Variants in CXADR observed in about 807,000 individuals in gnomAD.
CXADR encodes the protein coxsackievirus and adenovirus receptor.
In CXADR, 20 loss-of-function variants were observed where a neutral mutation model predicts 40.3. The observed-to-expected ratio is 0.50, with a 90% CI of 0.35 to 0.72. The LOEUF (loss-of-function observed/expected upper bound fraction) is 0.72. CXADR is among the 30% of genes least tolerant of loss of function. The pLI is 0.01. For synonymous variants in CXADR, 150 were observed against 161.3 expected, an observed-to-expected ratio of 0.93 and a Z score of 0.53; for missense variants, 332 against 449.1, an observed-to-expected ratio of 0.74 and a Z score of 2.36.
chr21:17,629,387 CAAAAAAAAAAA>C, the CXADR span, among the ~76,000 whole-genome samples: 1 of 80,586 alleles, frequency 1.2e-5, no homozygotes, highest in Non-Finnish European at 2.6e-5. Context: ...GACTGTGTCT[CAAAAAAAAAAA>C]AAAAAAAAAT....
At chr21:17,518,846 T>C in intron 1 of CXADR, 1 of 1,562,024 alleles carries the variant, frequency 6.4e-7, no homozygotes, top group Non-Finnish European at 8.8e-7. Context: ...ATACCAACTA[T>C]ATTATTCACA....
intron 7 of CXADR, among the ~76,000 whole-genome samples, chr21:17,587,136 C>T (rs1446773878): frequency 6.6e-6 from 1 of 152,146 alleles, no homozygotes; most frequent in Non-Finnish European, 1.5e-5. Context: ...TCCAGTCTAT[C>T]ATTGTTGGAC....
intron 1 of CXADR, among the ~76,000 whole-genome samples, chr21:17,539,288 C>G (rs1339760618): frequency 6.6e-6 from 1 of 152,116 alleles, no homozygotes; most frequent in Non-Finnish European, 1.5e-5. Context: ...TATAAAATTA[C>G]CCCCATATTT....
At chr21:17,617,291 G>C in the CXADR span, among the ~76,000 whole-genome samples, 1 of 140,986 alleles carries the variant, frequency 7.1e-6, no homozygotes, top group East Asian at 2.2e-4. Flanking sequence ...TGGCAGGAGA[G>C]GTGCCATTAT....
intron 3 of CXADR, among the ~76,000 whole-genome samples, 167 bp from the exon 4 acceptor site, chr21:17,558,809 A>G (rs2061069244): frequency 6.6e-6 from 1 of 152,182 alleles, no homozygotes; most frequent in Non-Finnish European, 1.5e-5. Context: ...TTTGTGTCAG[A>G]TAAAGCTGAA....
intron 7 of CXADR, among the ~76,000 whole-genome samples, chr21:17,579,152 A>G (rs1318252854): frequency 6.6e-6 from 1 of 152,200 alleles, no homozygotes; most frequent in Admixed American, 6.5e-5. Context: ...GTGGAAAGAG[A>G]GCCTGGAAAG....
the CXADR span, chr21:17,604,142 T>A: frequency 7.8e-7 from 1 of 1,284,906 alleles, no homozygotes; most frequent in South Asian, 1.3e-5. Flanking sequence ...CTCAGTCACT[T>A]ACATAATCAA....
At chr21:17,604,214 G>A in the CXADR span, 92 of 870,996 alleles carry the variant, frequency 1.1e-4, no homozygotes, top group Admixed American at 6.5e-4. Flanking sequence ...AGGCCAAGGC[G>A]GGCGGATCAC....
In CXADR at chr21:17,566,704, T is replaced by C; in HGVS notation, c.*1012T>C. On this transcript the variant is annotated 3_prime_UTR_variant, in exon 7 of 7. Transcript: ENST00000284878. ...GGATGGTGTTACATATTATATGTTC[T>C]AGAAACATGTAATCCTAAATTTACC... The C allele has an allele frequency of 1.0e-6, 1 of 972,030 alleles. No individual in the cohort carries two copies. The highest frequency in any genetic ancestry group is 1.2e-6 in the Non-Finnish European group (1 of 817,742). 60.2% of individuals were successfully genotyped at this position (972,030 alleles called of 1,614,324 possible).
chr21:17,590,474 T>A (rs2061427288), intron 7 of CXADR, among the ~76,000 whole-genome samples: 1 of 151,990 alleles, frequency 6.6e-6, no homozygotes, highest in Non-Finnish European at 1.5e-5. Flanking sequence ...TGGAAGTGGG[T>A]GATGGTTTCT....
Position 17,546,463 on chromosome 21 carries a change from C to A in CXADR, c.44-564C>A, listed in dbSNP as rs966028771. 3.3e-5 allele frequency among the ~76,000 whole-genome samples: 5 copies of A among 152,318 alleles called. No individual in the cohort carries two copies. The East Asian group carries it at 5.8e-4, about 18-fold the overall frequency. ...GGCTGGGGAGGCCTCAGGAAACTTA[C>A]AATCATGGCAGAAGGCGAAGGGGAG... On this transcript the variant is annotated intron_variant, in intron 1 of 6. Coordinates refer to ENST00000284878, the MANE Select transcript of CXADR (RefSeq NM_001338.5).
chr21:17,595,388 CTCTT>C (rs1168354971), downstream of CXADR, among the ~76,000 whole-genome samples: 2 of 151,902 alleles, frequency 1.3e-5, no homozygotes, highest in Non-Finnish European at 2.9e-5. Flanking sequence ...TGGAAAGTCC[CTCTT>C]TTTTTATCTC....
rs757705047 is a variant in CXADR at position 17,529,354 on chromosome 21, TCTCC to T, written c.43+16188_43+16191del. On this transcript the variant is annotated intron_variant, in intron 1 of 6. Transcript: ENST00000284878. ...CTTTTTTTTTGAGACACAGTTTCAT[TCTCC>T]CTCCCAGGCTGCAGTGCAGTGGCAT... Among the ~76,000 whole-genome samples, 5 of 151,858 alleles carry T rather than the reference TCTCC, an allele frequency of 3.3e-5. No homozygotes were observed. The East Asian group carries it at 7.8e-4, about 24-fold the overall frequency.
the CXADR span, chr21:17,598,740 G>C: frequency 1.2e-6 from 2 of 1,614,034 alleles, no homozygotes; most frequent in Middle Eastern, 1.7e-4. Flanking sequence ...CAAGGGCCCT[G>C]GTAACTTTCC....
chr21:17,587,458 T>A (rs1278231737), intron 7 of CXADR, among the ~76,000 whole-genome samples: 1 of 152,218 alleles, frequency 6.6e-6, no homozygotes, highest in African/African-American at 2.4e-5. Context: ...GGTATCTCAA[T>A]GTGGTTTTGA....
chr21:17,551,670 G>T, intron 2 of CXADR, 79 bp from the exon 3 acceptor site: 1 of 1,243,794 alleles, frequency 8.0e-7, no homozygotes, highest in Admixed American at 2.4e-5. Flanking sequence ...AGCAGCAGGT[G>T]TATCCAGGGC....
chr21:17,537,900 T>C (rs144336351), intron 1 of CXADR, among the ~76,000 whole-genome samples: 51 of 152,206 alleles, frequency 3.4e-4, no homozygotes, highest in African/African-American at 1.2e-3. Flanking sequence ...GCATTGTTAG[T>C]GCTAGTCCGA....
chr21:17,595,277 C>CA (rs2061489891), downstream of CXADR, among the ~76,000 whole-genome samples: 2 of 152,138 alleles, frequency 1.3e-5, no homozygotes, highest in Admixed American at 1.3e-4. Flanking sequence ...TTGCTGATCT[C>CA]AAATCTGCAT....
intron 1 of CXADR, among the ~76,000 whole-genome samples, chr21:17,536,954 C>T (rs1449808032): frequency 6.6e-6 from 1 of 152,036 alleles, no homozygotes; most frequent in Non-Finnish European, 1.5e-5. Context: ...GACGCGGTTT[C>T]ACCATGTTGG....
Sources: gnomAD v4.1 joint callset for allele counts (sites outside exome capture counted in the v4.1 genomes callset) on GRCh38, gnomAD v4.1.1 for gene constraint, MANE v1.5 for transcripts, NCBI Gene and HGNC (gene_info 2026-07-23, HGNC 2026-07-21) for gene names.